Variants in CORO2A observed in about 807,000 individuals in gnomAD.
CORO2A encodes the protein coronin-2A.
In CORO2A, 47 loss-of-function variants were observed where a neutral mutation model predicts 62.4. The observed-to-expected ratio is 0.75, with a 90% CI of 0.60 to 0.96. CORO2A has a LOEUF of 0.96. Ranked by LOEUF, CORO2A falls within the 40% of genes least tolerant of loss-of-function variation. CORO2A has a pLI of 0.00. For synonymous variants in CORO2A, 273 were observed against 268.9 expected, an observed-to-expected ratio of 1.02 and a Z score of -0.15; for missense variants, 610 against 684.1, an observed-to-expected ratio of 0.89 and a Z score of 1.21.
Position 98,137,321 on chromosome 9 carries a change from A to G in CORO2A, c.318+251T>C, listed in dbSNP as rs536124788. Reference sequence around the variant, plus strand: ...ATATACATTTTCACTGGGCTTTATTAGCTGGGTGGAACTATTATGCCCATT... The same window carrying G: ...ATATACATTTTCACTGGGCTTTATTGGCTGGGTGGAACTATTATGCCCATT... On this transcript the variant is annotated intron_variant, in intron 3 of 11. Coordinates refer to ENST00000375077, the MANE Select transcript of CORO2A (RefSeq NM_052820.4). Among the ~76,000 whole-genome samples the G allele has an allele frequency of 1.6e-4, 25 of 152,288 alleles. No individual in the cohort carries two copies. The South Asian group carries it at 4.1e-3, about 25-fold the overall frequency.
At chr9:98,163,765 AGAG>A (rs1827922697) in intron 1 of CORO2A, among the ~76,000 whole-genome samples, 7 of 150,496 alleles carry the variant, frequency 4.7e-5, no homozygotes, top group Admixed American at 1.3e-4. Flanking sequence ...AGAGAGAGAG[AGAG>A]AGAGAGAAAG....
intron 2 of CORO2A, 27 bp downstream of exon 2, chr9:98,157,433 G>A (rs1433504670): frequency 1.2e-6 from 2 of 1,610,246 alleles, no homozygotes; most frequent in Non-Finnish European, 8.5e-7. Flanking sequence ...CCTCCAGAGA[G>A]CTGTTTGGGC....
chr9:98,139,099 G>A (rs1379139649), intron 2 of CORO2A, among the ~76,000 whole-genome samples: 3 of 151,366 alleles, frequency 2.0e-5, no homozygotes, highest in Non-Finnish European at 4.4e-5. Context: ...CATGGAGACA[G>A]AAGGCAAGAT....
At chr9:98,162,899 C>T (rs1827905412) in intron 1 of CORO2A, among the ~76,000 whole-genome samples, 1 of 152,248 alleles carries the variant, frequency 6.6e-6, no homozygotes, top group South Asian at 2.1e-4. Context: ...CCTTCGCCTA[C>T]AGGCTGGGCC....
At chr9:98,137,379 G>T (rs565387331) in intron 3 of CORO2A, among the ~76,000 whole-genome samples, 193 bp downstream of exon 3, 1 of 152,178 alleles carries the variant, frequency 6.6e-6, no homozygotes, top group South Asian at 2.1e-4. Flanking sequence ...CCATAGAGAG[G>T]AGGGGTGGTG....
chr9:98,169,161 CAGCAAATGCAAAG>C (rs1588010355), intron 1 of CORO2A, among the ~76,000 whole-genome samples: 2 of 152,326 alleles, frequency 1.3e-5, no homozygotes, highest in East Asian at 1.9e-4. Context: ...CAAATGCAAA[CAGCAAATGCAAAG>C]AGTCCCGTCC....
At chr9:98,190,282 G>A (rs922925465) in intron 1 of CORO2A, among the ~76,000 whole-genome samples, 1 of 152,142 alleles carries the variant, frequency 6.6e-6, no homozygotes, top group Non-Finnish European at 1.5e-5. Context: ...AAGGGCAAAG[G>A]GCAAATATGA....
chr9:98,181,613 T>C (rs966107223), intron 1 of CORO2A, among the ~76,000 whole-genome samples: 1 of 152,128 alleles, frequency 6.6e-6, no homozygotes. Context: ...CCCAGGGATC[T>C]GAGCTGCACA....
intron 1 of CORO2A, among the ~76,000 whole-genome samples, chr9:98,174,892 A>G (rs1364225450): frequency 1.3e-5 from 2 of 152,212 alleles, no homozygotes; most frequent in African/African-American, 2.4e-5. Context: ...CACAATGGGA[A>G]TGTACGTCAT....
At chr9:98,136,015 G>A (rs1282680096) in intron 3 of CORO2A, among the ~76,000 whole-genome samples, 1 of 152,202 alleles carries the variant, frequency 6.6e-6, no homozygotes, top group Non-Finnish European at 1.5e-5. Flanking sequence ...CTGAAGGCAG[G>A]GAGGAACACC....
At chr9:98,126,378 G>A (rs1361016706) in intron 11 of CORO2A, among the ~76,000 whole-genome samples, 171 bp downstream of exon 11, 1 of 152,106 alleles carries the variant, frequency 6.6e-6, no homozygotes, top group Non-Finnish European at 1.5e-5. Context: ...ATAAGATGGA[G>A]CTCACTGCCT....
At chr9:98,134,179 A>G (rs1246437269) in intron 4 of CORO2A, among the ~76,000 whole-genome samples, 3 of 152,216 alleles carry the variant, frequency 2.0e-5, no homozygotes, top group African/African-American at 7.2e-5. Context: ...CAGATTGGGA[A>G]ACTGAGGCCT....
intron 4 of CORO2A, among the ~76,000 whole-genome samples, chr9:98,134,167 T>A (rs902145684): frequency 2.1e-4 from 32 of 152,140 alleles, no homozygotes; most frequent in Admixed American, 2.1e-3. Context: ...TCCATTTGTG[T>A]ACAGATTGGG....
At chr9:98,159,233 A>C (rs1008623901) in intron 1 of CORO2A, among the ~76,000 whole-genome samples, 4 of 151,896 alleles carry the variant, frequency 2.6e-5, no homozygotes, top group African/African-American at 9.7e-5. Context: ...TAATTAAAAA[A>C]ATTTTTTTTC....
chr9:98,134,342 G>A (rs1052439935), intron 4 of CORO2A, among the ~76,000 whole-genome samples: 1 of 152,128 alleles, frequency 6.6e-6, no homozygotes, highest in Non-Finnish European at 1.5e-5. Context: ...ACGATTTTCT[G>A]GGCAGTGCCA....
chr9:98,142,205 C>T (rs1162911263), intron 2 of CORO2A, among the ~76,000 whole-genome samples: 1 of 152,244 alleles, frequency 6.6e-6, no homozygotes, highest in African/African-American at 2.4e-5. Flanking sequence ...TATCCTGCAC[C>T]TGTGGCAGGC....
intron 7 of CORO2A, among the ~76,000 whole-genome samples, chr9:98,130,728 C>G (rs1217397446): frequency 1.3e-5 from 2 of 152,218 alleles, no homozygotes; most frequent in African/African-American, 2.4e-5. Context: ...ATGGTCCCCC[C>G]ACATCTGGGC....
intron 7 of CORO2A, 126 bp from the exon 8 acceptor site, chr9:98,130,016 G>C (rs1827382705): frequency 4.6e-6 from 3 of 648,212 alleles, no homozygotes; most frequent in Non-Finnish European, 8.2e-6. Flanking sequence ...CTCACTCAAG[G>C]GAACACCAGG....
chr9:98,171,064 CCTT>C (rs111300916), intron 1 of CORO2A, among the ~76,000 whole-genome samples: 3,841 of 152,290 alleles, frequency 0.025, 156 homozygotes, highest in African/African-American at 0.087. Context: ...CCCACAATCT[CCTT>C]ATCTGGGAGT....
Sources: gnomAD v4.1 joint callset for allele counts (sites outside exome capture counted in the v4.1 genomes callset) on GRCh38, gnomAD v4.1.1 for gene constraint, MANE v1.5 for transcripts, NCBI Gene and HGNC (gene_info 2026-07-23, HGNC 2026-07-21) for gene names.